The following DHRS4L2 variants were observed in gnomAD, a reference collection of about 807,000 sequenced individuals.
The protein encoded by DHRS4L2 is dehydrogenase/reductase 4 like 2.
A neutral mutation model predicts 23.9 loss-of-function variants in DHRS4L2; 22 were observed. That is an observed-to-expected ratio of 0.92 (90% CI 0.66 to 1.31). The LOEUF is 1.31. Ranked by LOEUF, DHRS4L2 falls within the 40% of genes most tolerant of loss-of-function variation. The probability of loss-of-function intolerance (pLI) is 0.00; values close to 1 mark genes in which losing one functional copy is unlikely to be tolerated. For synonymous variants in DHRS4L2, 141 were observed against 123.7 expected (o/e 1.14, Z -0.93); for missense variants, 385 against 303.3 (o/e 1.27, Z -2.00).
intron 1 of DHRS4L2, among the ~76,000 whole-genome samples, chr14:23,983,335 C>A (rs2034085410): frequency 6.6e-6 from 1 of 151,676 alleles, no homozygotes; most frequent in African/African-American, 2.4e-5. Flanking sequence ...AATGAGATAC[C>A]ATCCCACACC....
In DHRS4L2 at chr14:23,995,030, A is replaced by G. The variant is rs2034350728; in HGVS notation, c.307-2A>G. 6.2e-7 allele frequency: 1 copy of G among 1,612,760 alleles called. No homozygotes were observed. Among genetic ancestry groups the G allele is most frequent in the Middle Eastern group, 1.7e-4 (1 of 6,054 alleles). Reference sequence around the variant, plus strand: ...TGGTCCAGACCTTACCCCTCTCTCTAGGCTGTGAAGCTTCATGGAGGTATC... The same window carrying G: ...TGGTCCAGACCTTACCCCTCTCTCTGGGCTGTGAAGCTTCATGGAGGTATC... On this transcript the variant is annotated splice_acceptor_variant, in intron 2 of 7. Transcript: ENST00000335125. LOFTEE classifies it high-confidence loss of function.
At chr14:23,970,230 A>G (rs938539161) in exon 1 of DHRS4L2, 1 of 452,736 alleles carries the variant, frequency 2.2e-6, no homozygotes, top group South Asian at 1.6e-5. Context: ...CCGGTGCCTC[A>G]CACCCCGCTA....
intron 1 of DHRS4L2, among the ~76,000 whole-genome samples, chr14:23,982,106 C>T (rs1000406302): frequency 6.6e-6 from 1 of 151,674 alleles, no homozygotes; most frequent in African/African-American, 2.4e-5. Flanking sequence ...AGGGCTCTCC[C>T]ATCCCACGTG....
chr14:24,000,574 T>A (rs1057410823), intron 3 of DHRS4L2, among the ~76,000 whole-genome samples: 4 of 151,682 alleles, frequency 2.6e-5, no homozygotes, highest in Admixed American at 6.6e-5. Context: ...ACAGCTCAAA[T>A]CCAAAGGCCC....
intron 2 of DHRS4L2, among the ~76,000 whole-genome samples, chr14:23,993,695 T>A (rs2138542983): frequency 6.6e-6 from 1 of 151,788 alleles, no homozygotes; most frequent in Admixed American, 6.5e-5. Context: ...CTTTCTCAAT[T>A]TAAATTTCAG....
chr14:23,985,420 C>T (rs1210772960), upstream of DHRS4L2, among the ~76,000 whole-genome samples: 3 of 151,722 alleles, frequency 2.0e-5, no homozygotes, highest in Non-Finnish European at 4.4e-5. Context: ...ACCAGCCCTT[C>T]CACATAGCCT....
At chr14:23,985,107 A>G (rs1464589555), upstream of DHRS4L2, among the ~76,000 whole-genome samples, 1 of 151,548 alleles carries the variant, frequency 6.6e-6, no homozygotes, top group African/African-American at 2.4e-5. Flanking sequence ...GCACAGCACC[A>G]GGGAGTAATT....
intron 4 of DHRS4L2, 23 bp from the exon 5 acceptor site, chr14:24,001,010 G>A (rs199946299): frequency 1.4e-5 from 23 of 1,611,340 alleles, no homozygotes; most frequent in East Asian, 2.2e-5. Context: ...CTGGGAAGAC[G>A]GTCAGCTCTC....
At chr14:23,989,098 C>A in intron 1 of DHRS4L2, 23 bp downstream of exon 1, 1 of 1,555,186 alleles carries the variant, frequency 6.4e-7, no homozygotes, top group Non-Finnish European at 8.7e-7. Context: ...GCCGGAGTTT[C>A]TGAGGCCCTG....
chr14:23,999,364 AAAAAAAAAAAC>A (rs1361873936), intron 3 of DHRS4L2, among the ~76,000 whole-genome samples: 2 of 145,348 alleles, frequency 1.4e-5, no homozygotes, highest in Admixed American at 6.9e-5. Context: ...AAAAAAAAAA[AAAAAAAAAAAC>A]AATATCTGCA....
Position 24,004,190 on chromosome 14 carries a change from A to C in DHRS4L2, c.666-147A>C, listed in dbSNP as rs2034525422. On this transcript the variant is annotated intron_variant, in intron 6 of 7. Coordinates refer to ENST00000335125, the MANE Select transcript of DHRS4L2 (RefSeq NM_198083.4). ...GAGGCTGAGGCAGGAGAATGGCATAACCCGGGAGGCGGAGTTTGCAGTGAG... is the reference window on the plus strand; with the variant it reads ...GAGGCTGAGGCAGGAGAATGGCATACCCCGGGAGGCGGAGTTTGCAGTGAG... 7.4e-6 allele frequency: 7 copies of C among 951,458 alleles called. No homozygotes were observed. In the South Asian group the frequency reaches 1.1e-4, roughly 15 times the overall value. The allele number at this position is 951,458 out of a possible 1,614,324, so 58.9% of individuals were successfully genotyped here. A position where few individuals can be genotyped will look rare whatever the true frequency, so the allele number is the denominator to read the frequency against.
upstream of DHRS4L2, chr14:23,987,163 A>G (rs4982829): frequency 0.41 from 126,210 of 310,880 alleles, 33,539 homozygotes; most frequent in African/African-American, 0.86. Context: ...CAGAGTCTCC[A>G]TCTGTCGCTC....
intron 2 of DHRS4L2, among the ~76,000 whole-genome samples, chr14:23,993,451 G>C (rs931890190): frequency 3.3e-5 from 5 of 151,606 alleles, no homozygotes; most frequent in Non-Finnish European, 7.4e-5. Flanking sequence ...TACATTGTTA[G>C]TAACACCCCT....
exon 1 of DHRS4L2, chr14:23,969,879 C>T (rs2033807917): frequency 2.5e-6 from 1 of 398,334 alleles, no homozygotes; most frequent in African/African-American, 2.1e-5. Context: ...CGCGCATGCT[C>T]AGTCGGGCAG....
chr14:24,005,769 G>A lies in DHRS4L2; in HGVS notation c.*23-117G>A, dbSNP rs918623426. ...TTGATAGGCAGAAAGCTTGTACACT[G>A]ATCCTGAAAAGTCATCTGATAATTC... is the stretch of plus-strand genomic sequence containing the variant. On this transcript the variant is annotated intron_variant, in intron 7 of 7. Coordinates refer to ENST00000335125, the MANE Select transcript of DHRS4L2 (RefSeq NM_198083.4). The A allele has an allele frequency of 4.5e-6, 7 of 1,541,034 alleles. No homozygotes were observed. The African/African-American group carries it at 8.3e-5, about 18-fold the overall frequency.
chr14:23,980,690 C>T (rs2034035342), intron 1 of DHRS4L2, among the ~76,000 whole-genome samples: 1 of 150,138 alleles, frequency 6.7e-6, no homozygotes, highest in Non-Finnish European at 1.5e-5. Context: ...ATAAACAGAA[C>T]CAATGACAAA....
In DHRS4L2 at chr14:23,976,241, GAACTT is replaced by G. The variant is rs986691514; in HGVS notation, c.-176+5912_-176+5916del. Among the ~76,000 whole-genome samples the G allele has an allele frequency of 4.7e-4, 71 of 151,674 alleles. 1 individual carries two copies. Among genetic ancestry groups the G allele is most frequent in the African/African-American group, 1.7e-3 (70 of 41,354 alleles). On this transcript the variant is annotated intron_variant, in intron 1 of 5. Transcript: ENST00000534993. Reference sequence around the variant, plus strand: ...AGGTCTAATATTCAGAATCTACAAAGAACTTAAATAAATTTACAAGAAAAAAAATA... The same window carrying G: ...AGGTCTAATATTCAGAATCTACAAAGAAATAAATTTACAAGAAAAAAAATA...
At chr14:23,993,731 C>A (rs1357295346) in intron 2 of DHRS4L2, among the ~76,000 whole-genome samples, 1 of 151,648 alleles carries the variant, frequency 6.6e-6, no homozygotes, top group African/African-American at 2.4e-5. Flanking sequence ...TTTCATGCCT[C>A]CAGGTCAAAA....
At chr14:23,986,147 A>G (rs2034135441), upstream of DHRS4L2, among the ~76,000 whole-genome samples, 1 of 151,486 alleles carries the variant, frequency 6.6e-6, no homozygotes, top group Non-Finnish European at 1.5e-5. Flanking sequence ...ATGAGCCACC[A>G]TGCCCACCCC....
Sources: gnomAD v4.1 joint callset for allele counts (sites outside exome capture counted in the v4.1 genomes callset) on GRCh38, gnomAD v4.1.1 for gene constraint, MANE v1.5 for transcripts, NCBI Gene and HGNC (gene_info 2026-07-23, HGNC 2026-07-21) for gene names.